The following ADGRL3 variants were observed in gnomAD, a reference collection of about 807,000 sequenced individuals.
ADGRL3 encodes adhesion G protein-coupled receptor L3.
Under a neutral mutation model 153.5 loss-of-function variants are expected in ADGRL3, and 62 were observed. That is an observed-to-expected ratio of 0.40 (90% CI 0.33 to 0.50). ADGRL3 has a LOEUF of 0.50. Ranked by LOEUF, ADGRL3 falls within the 20% of genes least tolerant of loss-of-function variation. The pLI is 0.47. For synonymous variants in ADGRL3, 710 were observed against 672.5 expected, an observed-to-expected ratio of 1.06 and a Z score of -0.86; for missense variants, 1,641 against 1,859.4, an observed-to-expected ratio of 0.88 and a Z score of 2.16.
At chr4:61,253,113 C>T (rs1577986124) in intron 1 of ADGRL3, among the ~76,000 whole-genome samples, 2 of 152,154 alleles carry the variant, frequency 1.3e-5, no homozygotes, top group East Asian at 3.9e-4. Context: ...TTCAGGCAGC[C>T]ATCTACAGGT....
chr4:61,483,536 G>C (rs1038005215), intron 2 of ADGRL3, among the ~76,000 whole-genome samples: 1 of 151,970 alleles, frequency 6.6e-6, no homozygotes, highest in Non-Finnish European at 1.5e-5. Context: ...TCGGGAGTTC[G>C]AGACCACCCT....
intron 13 of ADGRL3, among the ~76,000 whole-genome samples, chr4:61,913,453 A>C (rs2098731346): frequency 6.6e-6 from 1 of 152,138 alleles, no homozygotes; most frequent in Non-Finnish European, 1.5e-5. Flanking sequence ...AGGAAATATG[A>C]AAATGTTTAG....
chr4:61,436,565 A>G (rs778901706), intron 2 of ADGRL3, among the ~76,000 whole-genome samples: 14 of 152,174 alleles, frequency 9.2e-5, no homozygotes, highest in Admixed American at 6.5e-4. Context: ...TTGCTGACAT[A>G]TACGTGAGCA....
intron 15 of ADGRL3, among the ~76,000 whole-genome samples, chr4:61,937,173 C>A (rs143817326): frequency 6.6e-6 from 1 of 152,140 alleles, no homozygotes; most frequent in Non-Finnish European, 1.5e-5. Context: ...AGCCTGTTGA[C>A]AAAGGGTTCT....
At chr4:61,984,954 A>T (rs1404788727) in intron 19 of ADGRL3, among the ~76,000 whole-genome samples, 1 of 152,218 alleles carries the variant, frequency 6.6e-6, no homozygotes, top group Non-Finnish European at 1.5e-5. Flanking sequence ...TCTTAAGCAT[A>T]TCTAGGGTGA....
At chr4:61,811,813 T>C (rs530986149) in intron 8 of ADGRL3, among the ~76,000 whole-genome samples, 21 of 152,232 alleles carry the variant, frequency 1.4e-4, no homozygotes, top group Middle Eastern at 6.8e-3. Context: ...AAGTACATAG[T>C]GATGGGGGTT....
chr4:61,418,020 G>T (rs1446456631), intron 2 of ADGRL3, among the ~76,000 whole-genome samples: 1 of 152,126 alleles, frequency 6.6e-6, no homozygotes, highest in Non-Finnish European at 1.5e-5. Flanking sequence ...TTCTGTGGCT[G>T]CAAAGAACTC....
chr4:61,712,442 A>G (rs1035766290), intron 6 of ADGRL3, among the ~76,000 whole-genome samples: 1 of 152,126 alleles, frequency 6.6e-6, no homozygotes, highest in African/African-American at 2.4e-5. Flanking sequence ...TACAAATGTG[A>G]ATTGAAATCC....
intron 4 of ADGRL3, among the ~76,000 whole-genome samples, chr4:61,553,117 G>A (rs541165092): frequency 3.9e-5 from 6 of 152,270 alleles, no homozygotes; most frequent in African/African-American, 7.2e-5. Flanking sequence ...AGCATAGTTC[G>A]TAGGTACATA....
At position 61,846,481 on chromosome 4, in the gene ADGRL3, G is replaced by A. The variant is rs535894669; in HGVS notation, c.1480+32592G>A. Reference sequence around the variant, plus strand: ...TACAGCCATCTAGCCTTCTGTTAATGTTCATGCAGGTAATCCTACGGTGCA... The same window carrying A: ...TACAGCCATCTAGCCTTCTGTTAATATTCATGCAGGTAATCCTACGGTGCA... On this transcript the variant is annotated intron_variant, in intron 9 of 26. Transcript: ENST00000683033. 1.2e-4 allele frequency among the ~76,000 whole-genome samples: 18 copies of A among 152,144 alleles called. No homozygotes were observed. The South Asian group carries it at 3.7e-3, about 32-fold the overall frequency.
At chr4:61,962,855 T>C (rs1487091827) in intron 17 of ADGRL3, among the ~76,000 whole-genome samples, 2 of 152,214 alleles carry the variant, frequency 1.3e-5, no homozygotes, top group African/African-American at 2.4e-5. Flanking sequence ...CCATCCTTTA[T>C]TGTTCCCCAA....
At chr4:61,477,215 A>C (rs893104771) in intron 2 of ADGRL3, among the ~76,000 whole-genome samples, 17 of 152,298 alleles carry the variant, frequency 1.1e-4, no homozygotes, top group African/African-American at 4.1e-4. Flanking sequence ...AAATCGAATG[A>C]ATTTTCCATT....
chr4:61,318,257 G>GATA (rs2095277122), intron 1 of ADGRL3, among the ~76,000 whole-genome samples: 1 of 148,206 alleles, frequency 6.7e-6, no homozygotes, highest in South Asian at 2.1e-4. Flanking sequence ...AAATATATAG[G>GATA]ATAATATTAT....
chr4:62,027,638 G>T (rs1719505434), intron 21 of ADGRL3, among the ~76,000 whole-genome samples: 1 of 151,714 alleles, frequency 6.6e-6, no homozygotes, highest in Non-Finnish European at 1.5e-5. Context: ...TGTATTTGGG[G>T]TTTTATTCTC....
chr4:61,957,444 A>G (rs951346680), intron 17 of ADGRL3, among the ~76,000 whole-genome samples: 1 of 152,014 alleles, frequency 6.6e-6, no homozygotes, highest in African/African-American at 2.4e-5. Flanking sequence ...TGGCCATCTC[A>G]TAGTCCATAA....
At chr4:61,270,277 A>G (rs1012177086) in intron 1 of ADGRL3, among the ~76,000 whole-genome samples, 1 of 151,672 alleles carries the variant, frequency 6.6e-6, no homozygotes, top group African/African-American at 2.4e-5. Flanking sequence ...AAGTGCCAGG[A>G]CCATGTTTTC....
intron 3 of ADGRL3, among the ~76,000 whole-genome samples, chr4:61,507,828 T>C (rs537651934): frequency 6.6e-6 from 1 of 152,292 alleles, no homozygotes; most frequent in South Asian, 2.1e-4. Context: ...AATATGTGGA[T>C]CATTTTTGCT....
chr4:61,244,232 A>G (rs553640900), intron 1 of ADGRL3, among the ~76,000 whole-genome samples: 1 of 152,174 alleles, frequency 6.6e-6, no homozygotes, highest in Admixed American at 6.6e-5. Context: ...GAAAAACAGT[A>G]GAGCAGAGGG....
At chr4:62,066,067 G>T (rs1259366437) in intron 25 of ADGRL3, among the ~76,000 whole-genome samples, 2 of 151,992 alleles carry the variant, frequency 1.3e-5, no homozygotes, top group South Asian at 2.1e-4. Flanking sequence ...AAGTTGAATT[G>T]TACACTATTT....
Sources: gnomAD v4.1 joint callset for allele counts (sites outside exome capture counted in the v4.1 genomes callset) on GRCh38, gnomAD v4.1.1 for gene constraint, MANE v1.5 for transcripts, NCBI Gene and HGNC (gene_info 2026-07-23, HGNC 2026-07-21) for gene names.